Variants in RNF4 observed in about 807,000 individuals in gnomAD.
RNF4 encodes the protein E3 ubiquitin-protein ligase RNF4.
In RNF4, 7 loss-of-function variants were observed where a neutral mutation model predicts 24.3. The observed-to-expected ratio is 0.29, with a 90% CI of 0.16 to 0.54. The LOEUF is 0.54. Among genes scored for constraint, RNF4 ranks in the 20% least tolerant of loss-of-function variants. The pLI is 0.95. For missense variants in RNF4, 209 were observed against 248.5 expected, an observed-to-expected ratio of 0.84 and a Z score of 1.07; for synonymous variants, 83 against 84.3, an observed-to-expected ratio of 0.98 and a Z score of 0.09.
chr4:2,490,583 G>A, intron 2 of RNF4, 81 bp downstream of exon 2: 2 of 1,446,320 alleles, frequency 1.4e-6, no homozygotes, highest in South Asian at 2.4e-5. Flanking sequence ...TAGTGAAAGT[G>A]AGTTCCATAA....
At chr4:2,509,986 C>A (rs572299990) in intron 4 of RNF4, among the ~76,000 whole-genome samples, 1 of 152,288 alleles carries the variant, frequency 6.6e-6, no homozygotes, top group South Asian at 2.1e-4. Context: ...AGATTTCATG[C>A]GGACAGTACA....
chr4:2,478,942 C>T (rs1164240919), intron 1 of RNF4, among the ~76,000 whole-genome samples: 2 of 152,214 alleles, frequency 1.3e-5, no homozygotes, highest in African/African-American at 2.4e-5. Flanking sequence ...AGACACTCAA[C>T]ACCACCCAGT....
At chr4:2,487,688 C>T (rs1735452926) in intron 1 of RNF4, among the ~76,000 whole-genome samples, 1 of 152,160 alleles carries the variant, frequency 6.6e-6, no homozygotes, top group Non-Finnish European at 1.5e-5. Context: ...TCCCAAAGTG[C>T]TGGGGTTATA....
intron 1 of RNF4, among the ~76,000 whole-genome samples, chr4:2,485,472 C>T (rs1735379314): frequency 6.6e-6 from 1 of 152,158 alleles, no homozygotes; most frequent in African/African-American, 2.4e-5. Flanking sequence ...GCCCTTTCTC[C>T]CTGGGTGTCT....
rs189678584 is a variant in RNF4 at position 2,514,090 on chromosome 4, G to A, written c.*271G>A. 10 of 423,210 alleles carry A rather than the reference G, an allele frequency of 2.4e-5. No homozygotes were observed. Among genetic ancestry groups the A allele is most frequent in the South Asian group, 4.2e-5 (1 of 23,980 alleles). 26.2% of individuals were successfully genotyped at this position (423,210 alleles called of 1,614,324 possible). A position where few individuals can be genotyped will look rare whatever the true frequency, so the allele number is the denominator to read the frequency against. On this transcript the variant is annotated 3_prime_UTR_variant, in exon 8 of 8. Transcript: ENST00000314289. ...GGGAGTCAGGCGCATTGGGAATCGT[G>A]GTTCCAGTCTGGTTGCAGAATCTGC...
intron 3 of RNF4, among the ~76,000 whole-genome samples, 198 bp from the exon 4 acceptor site, chr4:2,500,459 CAG>C (rs1735875808): frequency 6.6e-6 from 1 of 152,334 alleles, no homozygotes; most frequent in Admixed American, 6.5e-5. Context: ...CCTCCCCACT[CAG>C]AGCAGAATTC....
chr4:2,486,191 A>G (rs745888893), intron 1 of RNF4, among the ~76,000 whole-genome samples: 1 of 152,178 alleles, frequency 6.6e-6, no homozygotes, highest in Non-Finnish European at 1.5e-5. Flanking sequence ...TGAGGAGCAC[A>G]TGTGGTGATA....
At chr4:2,493,905 C>G (rs919323815) in intron 2 of RNF4, among the ~76,000 whole-genome samples, 7 of 150,612 alleles carry the variant, frequency 4.6e-5, no homozygotes, top group Non-Finnish European at 8.9e-5. Context: ...GCAGTGGATG[C>G]AATATTGGCT....
chr4:2,507,413 G>A (rs958517228), intron 4 of RNF4, among the ~76,000 whole-genome samples: 2 of 152,178 alleles, frequency 1.3e-5, no homozygotes, highest in South Asian at 2.1e-4. Context: ...CAGTCTTCCC[G>A]ACTTTCCTGC....
chr4:2,486,817 C>G (rs965458269), intron 1 of RNF4, among the ~76,000 whole-genome samples: 2 of 152,180 alleles, frequency 1.3e-5, no homozygotes, highest in Non-Finnish European at 2.9e-5. Flanking sequence ...CTCTGTCTTC[C>G]TTTGTCAGTA....
At chr4:2,510,587 G>C (rs945701456) in intron 4 of RNF4, among the ~76,000 whole-genome samples, 4 of 152,344 alleles carry the variant, frequency 2.6e-5, no homozygotes, top group African/African-American at 9.6e-5. Context: ...GAGTGTGTCT[G>C]TTTGAGGGAA....
At chr4:2,471,512 T>C (rs1400785565) in intron 1 of RNF4, among the ~76,000 whole-genome samples, 1 of 152,326 alleles carries the variant, frequency 6.6e-6, no homozygotes, top group East Asian at 1.9e-4. Flanking sequence ...GTTGAATCTC[T>C]CTTACTTTAA....
rs147438868 is a variant in RNF4, at chr4:2,515,271, G to T, written c.*1452G>T. 6.6e-6 allele frequency: 1 copy of T among 152,650 alleles called. No individual in the cohort carries two copies. The highest frequency in any genetic ancestry group is 1.5e-5 in the Non-Finnish European group (1 of 68,028). 9.5% of individuals were successfully genotyped at this position (152,650 alleles called of 1,614,324 possible). A position where few individuals can be genotyped will look rare whatever the true frequency, so the allele number is the denominator to read the frequency against. ...ACTCAGCACAGAATTCACTTTAGAC[G>T]GGGCTGAAGGAGTGTCCCTCCTCTA... On this transcript the variant is annotated 3_prime_UTR_variant, in exon 8 of 8. Coordinates refer to ENST00000314289, the MANE Select transcript of RNF4 (RefSeq NM_002938.5).
chr4:2,502,671 C>CA (rs774687827), intron 4 of RNF4, among the ~76,000 whole-genome samples: 3,583 of 121,552 alleles, frequency 0.029, 135 homozygotes, highest in African/African-American at 0.087. Context: ...GACTCCATCT[C>CA]AAAAAAAAAA....
intron 3 of RNF4, among the ~76,000 whole-genome samples, chr4:2,499,774 TTGTA>T (rs1349362832): frequency 6.6e-6 from 1 of 152,214 alleles, no homozygotes; most frequent in Admixed American, 6.5e-5. Flanking sequence ...GCAACCCATT[TTGTA>T]TGTTGAGGTT....
At position 2,512,712 on chromosome 4, in the gene RNF4, C is replaced by T. The variant is rs767543009; in HGVS notation, c.374+115C>T. On this transcript the variant is annotated intron_variant, in intron 6 of 7. Transcript: ENST00000314289. The surrounding 1 kb of genome is among the most constrained non-coding windows in gnomAD (Gnocchi z 4.1). ...GCCCTGGAAGGGCTTGCCCAAGCCTCTACCCAGCATCTGGATACAGTTGGA... is the reference window on the plus strand; with the variant it reads ...GCCCTGGAAGGGCTTGCCCAAGCCTTTACCCAGCATCTGGATACAGTTGGA... 8.2e-7 allele frequency: 1 copy of T among 1,219,346 alleles called. No individual in the cohort carries two copies. The highest frequency in any genetic ancestry group is 1.1e-6 in the Non-Finnish European group (1 of 883,502). 75.5% of individuals were successfully genotyped at this position (1,219,346 alleles called of 1,614,324 possible). A position where few individuals can be genotyped will look rare whatever the true frequency, so the allele number is the denominator to read the frequency against.
At chr4:2,478,962 C>T (rs934632529) in intron 1 of RNF4, among the ~76,000 whole-genome samples, 2 of 152,170 alleles carry the variant, frequency 1.3e-5, no homozygotes, top group African/African-American at 4.8e-5. Flanking sequence ...TGAAAACAGC[C>T]GGGAGGGAGG....
chr4:2,508,771 C>A lies in RNF4; in HGVS notation c.205-3185C>A, dbSNP rs1253393323. ...GATTACAGACATGAGCCACCACATGCCCGGCTAATTTTGTGTTTTTAGTAG... is the reference window on the plus strand; with the variant it reads ...GATTACAGACATGAGCCACCACATGACCGGCTAATTTTGTGTTTTTAGTAG... On this transcript the variant is annotated intron_variant, in intron 4 of 7. Transcript: ENST00000314289. 4.0e-5 allele frequency among the ~76,000 whole-genome samples: 6 copies of A among 151,868 alleles called. 1 individual carries two copies. Among genetic ancestry groups the A allele is most frequent in the African/African-American group, 1.4e-4 (6 of 41,414 alleles).
At chr4:2,491,002 TC>T (rs1735562464) in intron 2 of RNF4, among the ~76,000 whole-genome samples, 1 of 152,156 alleles carries the variant, frequency 6.6e-6, no homozygotes, top group Admixed American at 6.5e-5. Flanking sequence ...GCAGGAAGAT[TC>T]CTTGAGCCCA....
Sources: allele counts gnomAD v4.1 joint callset (sites outside exome capture counted in the v4.1 genomes callset), GRCh38; gene constraint gnomAD v4.1.1; non-coding constraint Gnocchi (gnomAD v3.1); transcripts MANE v1.5; gene names NCBI Gene and HGNC (gene_info 2026-07-23, HGNC 2026-07-21).